HYAL2: variants seen among roughly 807,000 people sequenced by gnomAD.
The protein encoded by HYAL2 is hyaluronidase 2.
Under a neutral mutation model 35.4 loss-of-function variants are expected in HYAL2, and 30 were observed. The ratio of observed to expected loss-of-function variants is 0.85; its 90% CI spans 0.63 to 1.15. The LOEUF (loss-of-function observed/expected upper bound fraction) is 1.15. Among genes scored for constraint, HYAL2 ranks in the 50% most tolerant of loss-of-function variants. The probability of loss-of-function intolerance (pLI) is 0.00; values close to 1 mark genes in which losing one functional copy is unlikely to be tolerated. For synonymous variants in HYAL2, 262 were observed against 252.8 expected (o/e 1.04, Z -0.34); for missense variants, 635 against 646.5 (o/e 0.98, Z 0.19).
At chr3:50,321,848 C>T (rs1424093939) in intron 1 of HYAL2, 3 of 151,626 alleles carry the variant, frequency 2.0e-5, no homozygotes, top group African/African-American at 7.3e-5. Context: ...AGGCGTTGCC[C>T]CGTTCGGCCA....
Position 50,320,231 on chromosome 3 carries a change from G to T in HYAL2, c.259C>A (p.Pro87Thr). ...IFYRDRLGLY[P>T]RFDSAGRSVH... is the part of the protein sequence containing the mutation. The stretch of plus-strand genomic sequence containing the variant: ...GACCTTCCGGCAGAATCGAAGCGTG[G>T]ATACAGGCCTAGACGGTCGCGGTAG... Residue 87 changes from proline to threonine, a missense_variant, in exon 2 of 4, where the codon CCA becomes ACA. By Grantham distance (38) the Pro-to-Thr change is conservative. Transcript: ENST00000357750. The surrounding 1 kb of genome is among the most constrained non-coding windows in gnomAD (Gnocchi z 4.8). 1.9e-6 allele frequency: 3 copies of T among 1,613,996 alleles called. No individual in the cohort carries two copies. The highest frequency in any genetic ancestry group is 2.5e-6 in the Non-Finnish European group (3 of 1,180,050).
At chr3:50,321,236 CCCACACGTGGG>C (rs1404122463) in intron 1 of HYAL2, 1 of 152,170 alleles carries the variant, frequency 6.6e-6, no homozygotes, top group African/African-American at 2.4e-5. Context: ...CCGCCCCCGC[CCCACACGTGGG>C]GCCTGCGCCC....
rs1276392313 is a variant in HYAL2, at chr3:50,322,619, G to A, written c.-47+34C>T. 2.0e-5 allele frequency: 3 copies of A among 152,256 alleles called. No homozygotes were observed. Among genetic ancestry groups the A allele is most frequent in the Non-Finnish European group, 1.5e-5 (1 of 68,062 alleles). The allele number at this position is 152,256 out of a possible 1,614,324, so 9.4% of individuals were successfully genotyped here. A position where few individuals can be genotyped will look rare whatever the true frequency, so the allele number is the denominator to read the frequency against. On this transcript the variant is annotated intron_variant, in intron 1 of 3. Coordinates refer to ENST00000357750, the MANE Select transcript of HYAL2 (RefSeq NM_003773.5). The surrounding 1 kb of genome is among the most constrained non-coding windows in gnomAD (Gnocchi z 5.5). ...GGAGTGCAACTGCGAGCGCATCTGT[G>A]GGGGTGCAGACCAGCCGTCTGCTCT...
intron 1 of HYAL2, chr3:50,321,810 C>G (rs1198934051): frequency 7.3e-5 from 1 of 13,664 alleles, no homozygotes; most frequent in Admixed American, 1.2e-3. Flanking sequence ...GGCAGGGGGA[C>G]GGGAAGGGGG....
In HYAL2 at chr3:50,318,577, C is replaced by G. The variant is rs782003830; in HGVS notation, c.1012-38G>C. 6.4e-7 allele frequency: 1 copy of G among 1,554,354 alleles called. No individual in the cohort carries two copies. Among genetic ancestry groups the G allele is most frequent in the African/African-American group, 1.4e-5 (1 of 73,452 alleles). ...GACAAGGACCACAGGTCAGGGTCAGCTGCCTCAGCCCACAGGCCCAGATGG... is the reference window on the plus strand; with the variant it reads ...GACAAGGACCACAGGTCAGGGTCAGGTGCCTCAGCCCACAGGCCCAGATGG... On this transcript the variant is annotated intron_variant, in intron 3 of 3. Transcript: ENST00000357750. This position sits in a 1 kb window ranked among gnomAD's most constrained non-coding sequence, Gnocchi z 4.5.
At chr3:50,319,101 A>T in intron 2 of HYAL2, 56 bp from the exon 3 acceptor site, 1 of 1,333,344 alleles carries the variant, frequency 7.5e-7, no homozygotes, top group South Asian at 1.3e-5. Context: ...GGTGACAGGA[A>T]CAGACAAGGA....
Position 50,318,489 on chromosome 3 carries a change from G to A in HYAL2, c.1062C>T (p.Tyr354=), listed in dbSNP as rs782095231. 27 of 1,611,590 alleles carry A rather than the reference G, an allele frequency of 1.7e-5. No individual in the cohort carries two copies. The highest frequency in any genetic ancestry group is 3.3e-4 in the Middle Eastern group (2 of 6,052). ...KDYLTRLLVP[Y]VVNVSWATQY... Reference sequence around the variant, plus strand: ...GGGTGGCCCAGGACACATTGACCACGTAGGGGACCAGCAGCCGTGTCAGGT... The same window carrying A: ...GGGTGGCCCAGGACACATTGACCACATAGGGGACCAGCAGCCGTGTCAGGT... Residue 354 remains tyrosine, a synonymous_variant, in exon 4 of 4, where the codon TAC becomes TAT. Transcript: ENST00000357750. This position sits in a 1 kb window ranked among gnomAD's most constrained non-coding sequence, Gnocchi z 4.5.
In HYAL2 at chr3:50,318,481, T is replaced by G. The variant is rs139202918; in HGVS notation, c.1070A>C (p.Asn357Thr). 6.2e-7 allele frequency: 1 copy of G among 1,612,886 alleles called. No homozygotes were observed. The highest frequency in any genetic ancestry group is 1.1e-5 in the South Asian group (1 of 91,084). ...LTRLLVPYVV[N>T]VSWATQYCSR... ...GCAATATTGGGTGGCCCAGGACACA[T>G]TGACCACGTAGGGGACCAGCAGCCG... Residue 357 changes from asparagine (N) to threonine (T), a missense_variant, in exon 4 of 4, where the codon AAT becomes ACT. By Grantham distance (65) the Asn-to-Thr change is moderately conservative. Coordinates refer to ENST00000357750, the MANE Select transcript of HYAL2 (RefSeq NM_003773.5). This position sits in a 1 kb window ranked among gnomAD's most constrained non-coding sequence, Gnocchi z 4.5.
At chr3:50,321,962 A>G (rs1702709986) in intron 1 of HYAL2, 1 of 152,054 alleles carries the variant, frequency 6.6e-6, no homozygotes. Context: ...TGTGTGGAAA[A>G]AGGGACTTTG....
chr3:50,320,214 G>A lies in HYAL2; in HGVS notation c.276C>T (p.Ala92=), dbSNP rs782034793. Reference sequence around the variant, plus strand: ...GCACACCACCATGCACAGACCTTCCGGCAGAATCGAAGCGTGGATACAGGC... The same window carrying A: ...GCACACCACCATGCACAGACCTTCCAGCAGAATCGAAGCGTGGATACAGGC... The part of the protein sequence containing the change: ...RLGLYPRFDS[A]GRSVHGGVPQ... The change falls in exon 2 of 4, where the codon GCC becomes GCT. Residue 92 remains alanine (A), a synonymous_variant. Coordinates refer to ENST00000357750, the MANE Select transcript of HYAL2 (RefSeq NM_003773.5). This position sits in a 1 kb window ranked among gnomAD's most constrained non-coding sequence, Gnocchi z 4.8. The A allele has an allele frequency of 1.9e-6, 3 of 1,613,950 alleles. No homozygotes were observed. The highest frequency in any genetic ancestry group is 1.1e-5 in the South Asian group (1 of 91,078).
Position 50,319,047 on chromosome 3 carries a change from T to TA in HYAL2, c.922-3dup. On this transcript the variant is annotated splice_polypyrimidine_tract_variant and splice_region_variant and intron_variant, in intron 2 of 3. Coordinates refer to ENST00000357750, the MANE Select transcript of HYAL2 (RefSeq NM_003773.5). ...GCCAATGGTAGAGATGAGGTCCATC[T>TA]ATGCAGGAAAAGGGATGGTCACTGG... is the stretch of plus-strand genomic sequence containing the variant. 1 of 1,594,232 alleles carries TA rather than the reference T, an allele frequency of 6.3e-7. No homozygotes were observed. Among genetic ancestry groups the TA allele is most frequent in the Non-Finnish European group, 8.6e-7 (1 of 1,165,048 alleles).
At chr3:50,321,676 A>T (rs587703120) in intron 1 of HYAL2, 4 of 151,882 alleles carry the variant, frequency 2.6e-5, no homozygotes, top group East Asian at 3.9e-4. Context: ...CGGGCTTTCT[A>T]TGGGAGTCTC....
rs1553716396 is a variant in HYAL2 at position 50,320,213 on chromosome 3, CG to C, written c.276del (p.Gly93GlufsTer66). The C allele has an allele frequency of 6.2e-7, 1 of 1,613,966 alleles. No individual in the cohort carries two copies. The highest frequency in any genetic ancestry group is 8.5e-7 in the Non-Finnish European group (1 of 1,180,046). ...RLGLYPRFDS[A>X]GRSVHGGVPQ... ...GGCACACCACCATGCACAGACCTTCCGGCAGAATCGAAGCGTGGATACAGGC... is the reference window on the plus strand; with the variant it reads ...GGCACACCACCATGCACAGACCTTCCGCAGAATCGAAGCGTGGATACAGGC... On this transcript the variant is annotated frameshift_variant, in exon 2 of 4. Transcript: ENST00000357750. LOFTEE classifies it high-confidence loss of function. This position sits in a 1 kb window ranked among gnomAD's most constrained non-coding sequence, Gnocchi z 4.8.
Position 50,319,890 on chromosome 3 carries a change from C to A in HYAL2, c.600G>T (p.Arg200=). ...GAAAGAGGTAGAAGCCCCAGAGGTG[C>A]CGGGGCCGCACTGCCTTGACATAAC... ...TLRYVKAVRP[R]HLWGFYLFPD... The change falls in exon 2 of 4, where the codon CGG becomes CGT. Residue 200 remains arginine (R), a synonymous_variant. Transcript: ENST00000357750. 1 of 1,613,698 alleles carries A rather than the reference C, an allele frequency of 6.2e-7. No individual in the cohort carries two copies. Among genetic ancestry groups the A allele is most frequent in the Non-Finnish European group, 8.5e-7 (1 of 1,180,034 alleles).
chr3:50,319,536 G>A (rs1553716126), intron 2 of HYAL2, 33 bp downstream of exon 2: 3 of 1,567,026 alleles, frequency 1.9e-6, no homozygotes, highest in Admixed American at 1.8e-5. Flanking sequence ...CCTCAAGGAA[G>A]GAGAAAAAAG....
rs1702652125 is a variant in HYAL2 at position 50,320,093 on chromosome 3, C to T, written c.397G>A (p.Asp133Asn). The change falls in exon 2 of 4, where the codon GAC becomes AAC. Residue 133 changes from aspartate to asparagine, a missense_variant. By Grantham distance (23) the Asp-to-Asn change is conservative (BLOSUM62 1). Transcript: ENST00000357750. This position sits in a 1 kb window ranked among gnomAD's most constrained non-coding sequence, Gnocchi z 4.8. ...CACACAGGTCGCCAGTCCTCCCAGTCGATGACCGCCAGCCCCGCAGACTCC... is the reference window on the plus strand; with the variant it reads ...CACACAGGTCGCCAGTCCTCCCAGTTGATGACCGCCAGCCCCGCAGACTCC... ...TQESAGLAVIDWEDWRPVWVR... is the reference protein window; with the variant it reads ...TQESAGLAVINWEDWRPVWVR... 6 of 1,613,598 alleles carry T rather than the reference C, an allele frequency of 3.7e-6. No individual in the cohort carries two copies. Among genetic ancestry groups the T allele is most frequent in the South Asian group, 1.1e-5 (1 of 91,094 alleles).
rs1302282185 is a variant in HYAL2 at position 50,319,724 on chromosome 3, C to T, written c.766G>A (p.Glu256Lys). Residue 256 changes from glutamate to lysine, a missense_variant, in exon 2 of 4, where the codon GAG (glutamate) becomes AAG (lysine). By Grantham distance (56) the Glu-to-Lys change is moderately conservative. Transcript: ENST00000357750. ...CCATGGCGGGAGGAAGCAAGTGTCT[C>T]GTCCAGGTAGACAGACGGGAAGAGG... ...TALFPSVYLD[E>K]TLASSRHGRN... The T allele has an allele frequency of 1.1e-5, 18 of 1,613,668 alleles. No individual in the cohort carries two copies. The highest frequency in any genetic ancestry group is 1.3e-5 in the African/African-American group (1 of 74,922).
intron 1 of HYAL2, chr3:50,321,836 G>A (rs1287544116): frequency 1.3e-5 from 2 of 150,794 alleles, no homozygotes; most frequent in African/African-American, 4.9e-5. Flanking sequence ...GGGAATAGGA[G>A]GAGGCGTTGC....
In HYAL2 at chr3:50,319,979, T is replaced by G. The variant is rs781874033; in HGVS notation, c.511A>C (p.Ile171Leu). Reference protein sequence around the residue: ...SRHPDWPPDRIVKQAQYEFEF... With the variant: ...SRHPDWPPDRLVKQAQYEFEF... ...AACTCATATTGTGCCTGTTTGACTATGCGGTCTGGAGGCCAGTCAGGGTGA... is the reference window on the plus strand; with the variant it reads ...AACTCATATTGTGCCTGTTTGACTAGGCGGTCTGGAGGCCAGTCAGGGTGA... Residue 171 changes from isoleucine (I) to leucine (L), a missense_variant, in exon 2 of 4, where the codon ATA becomes CTA. Coordinates refer to ENST00000357750, the MANE Select transcript of HYAL2 (RefSeq NM_003773.5). The G allele has an allele frequency of 6.2e-7, 1 of 1,613,488 alleles. No individual in the cohort carries two copies. Among genetic ancestry groups the G allele is most frequent in the Non-Finnish European group, 8.5e-7 (1 of 1,180,040 alleles).
Sources: allele counts gnomAD v4.1 joint callset, GRCh38; gene constraint gnomAD v4.1.1; non-coding constraint Gnocchi (gnomAD v3.1); transcripts MANE v1.5; gene names NCBI Gene and HGNC (gene_info 2026-07-23, HGNC 2026-07-21).